The following CCDC85A variants were observed in gnomAD, a reference collection of about 807,000 sequenced individuals.
CCDC85A encodes coiled-coil domain-containing protein 85A.
CCDC85A carries 38 observed loss-of-function variants against 50.2 expected under a neutral mutation model. That is an observed-to-expected ratio of 0.76 (90% confidence interval 0.58 to 0.99). The LOEUF (loss-of-function observed/expected upper bound fraction) is 0.99, where lower values mean the gene tolerates loss of function less well. CCDC85A is among the 50% of genes least tolerant of loss of function. CCDC85A has a pLI of 0.00. For synonymous variants in CCDC85A, 366 were observed against 301.4 expected, an observed-to-expected ratio of 1.21 and a Z score of -2.22; for missense variants, 820 against 742.0, an observed-to-expected ratio of 1.11 and a Z score of -1.22.
intron 5 of CCDC85A, chr2:56,383,684 A>G (rs1382923500): frequency 1.4e-5 from 14 of 984,978 alleles, no homozygotes; most frequent in Non-Finnish European, 9.6e-6. Context: ...CTCTGTAGAA[A>G]AAGCCAGAGA....
At chr2:56,230,192 G>GGA (rs1304492727) in intron 2 of CCDC85A, among the ~76,000 whole-genome samples, 5 of 152,046 alleles carry the variant, frequency 3.3e-5, no homozygotes, top group Admixed American at 2.6e-4. Context: ...TCTTGAGGCT[G>GGA]GATGAAACTT....
chr2:56,196,799 C>T (rs72917043), intron 2 of CCDC85A, among the ~76,000 whole-genome samples: 4,778 of 150,564 alleles, frequency 0.032, 245 homozygotes, highest in African/African-American at 0.11. Context: ...ATTCTAGAAG[C>T]ACATATTGCT....
chr2:56,298,333 C>T (rs1672048308), intron 2 of CCDC85A, among the ~76,000 whole-genome samples: 1 of 152,068 alleles, frequency 6.6e-6, no homozygotes, highest in Non-Finnish European at 1.5e-5. Flanking sequence ...CCTGCATTGC[C>T]TAGGAAGCAA....
chr2:56,227,024 A>C (rs1668572080), intron 2 of CCDC85A, among the ~76,000 whole-genome samples: 1 of 152,204 alleles, frequency 6.6e-6, no homozygotes, highest in Non-Finnish European at 1.5e-5. Context: ...CAATAACTAA[A>C]AATTTTAGCT....
At position 56,364,907 on chromosome 2, in the gene CCDC85A, C is replaced by G. The variant is rs112166382; in HGVS notation, c.1318-7437C>G. On this transcript the variant is annotated intron_variant, in intron 3 of 5. Transcript: ENST00000407595. ...TAATTGGAACTTCATCCCAGGTAGT[C>G]TGGCCTCACCCAAATCATTCTCCAC... 9.4e-3 allele frequency among the ~76,000 whole-genome samples: 1,426 copies of G among 152,276 alleles called. 15 individuals carry two copies. The highest frequency in any genetic ancestry group is 0.027 in the Middle Eastern group (8 of 294).
chr2:56,184,806 C>T lies in CCDC85A; in HGVS notation c.182C>T (p.Ala61Val). The part of the protein sequence containing the change: ...ELIRSLRRAE[A>V]EKVSAMLDHS... ...ATCCGCAGCCTGCGGCGCGCCGAGG[C>T]GGAGAAGGTGAGCGCGATGCTGGAC... Residue 61 changes from alanine to valine, a missense_variant, in exon 1 of 6, where the codon GCG (alanine) becomes GTG (valine). Physicochemically the swap from Ala to Val is moderately conservative, Grantham distance 64 (BLOSUM62 0). Transcript: ENST00000407595. The T allele has an allele frequency of 1.3e-6, 2 of 1,546,128 alleles. No individual in the cohort carries two copies. The highest frequency in any genetic ancestry group is 8.7e-7 in the Non-Finnish European group (1 of 1,146,036).
chr2:56,384,379 G>A lies in CCDC85A; in HGVS notation c.*24G>A, dbSNP rs375561110. 6.3e-7 allele frequency: 1 copy of A among 1,574,900 alleles called. No individual in the cohort carries two copies. Among genetic ancestry groups the A allele is most frequent in the Non-Finnish European group, 8.7e-7 (1 of 1,148,092 alleles). ...GAGATGCACTCTTTTTCAAACAGGA[G>A]ATCACCACTGCCAGAAAGTGATAGA... is the stretch of plus-strand genomic sequence containing the variant. On this transcript the variant is annotated 3_prime_UTR_variant, in exon 6 of 6. Coordinates refer to ENST00000407595, the MANE Select transcript of CCDC85A (RefSeq NM_001080433.2).
At chr2:56,300,027 CG>C (rs1360566518) in intron 2 of CCDC85A, among the ~76,000 whole-genome samples, 2 of 152,108 alleles carry the variant, frequency 1.3e-5, no homozygotes, top group East Asian at 3.9e-4. Context: ...GGTGACAAAA[CG>C]GTGTATGCTA....
chr2:56,260,430 T>C (rs1200434557), intron 2 of CCDC85A, among the ~76,000 whole-genome samples: 1 of 152,226 alleles, frequency 6.6e-6, no homozygotes, highest in Non-Finnish European at 1.5e-5. Context: ...ATATAAGTCA[T>C]GCTTGAAATA....
chr2:56,233,900 A>G (rs1294496705), intron 2 of CCDC85A, among the ~76,000 whole-genome samples: 1 of 152,146 alleles, frequency 6.6e-6, no homozygotes, highest in African/African-American at 2.4e-5. Flanking sequence ...TGGATAAAAG[A>G]TGTTCCCTAA....
chr2:56,188,258 C>T (rs1676137278), intron 1 of CCDC85A, among the ~76,000 whole-genome samples: 1 of 152,176 alleles, frequency 6.6e-6, no homozygotes, highest in Admixed American at 6.5e-5. Flanking sequence ...AGCTGTTCAT[C>T]AGAAGGCAAA....
chr2:56,367,673 G>T (rs939425593), intron 3 of CCDC85A, among the ~76,000 whole-genome samples: 1 of 152,066 alleles, frequency 6.6e-6, no homozygotes, highest in Non-Finnish European at 1.5e-5. Flanking sequence ...AGGCATTTTT[G>T]CCAAATGTTT....
At chr2:56,267,550 G>T (rs1261708455) in intron 2 of CCDC85A, among the ~76,000 whole-genome samples, 2 of 152,140 alleles carry the variant, frequency 1.3e-5, no homozygotes, top group Non-Finnish European at 2.9e-5. Context: ...GGACCAGATG[G>T]GATGACTGTG....
intron 2 of CCDC85A, among the ~76,000 whole-genome samples, chr2:56,266,280 G>A (rs571357953): frequency 6.6e-6 from 1 of 152,130 alleles, no homozygotes; most frequent in Non-Finnish European, 1.5e-5. Flanking sequence ...TTTCAAACTA[G>A]CTGAAAGAAT....
rs190880796 is a variant in CCDC85A, at chr2:56,263,281, T to C, written c.1240+69841T>C. On this transcript the variant is annotated intron_variant, in intron 2 of 5. Transcript: ENST00000407595. The stretch of plus-strand genomic sequence containing the variant: ...CACTGCCCAAACACATTCAAAGAGA[T>C]CTTCTAGATAGTGTTCATAAGTAAT... 2.0e-5 allele frequency among the ~76,000 whole-genome samples: 3 copies of C among 152,326 alleles called. No homozygotes were observed. The East Asian group carries it at 5.8e-4, about 29-fold the overall frequency.
chr2:56,369,764 C>T (rs1675983344), intron 3 of CCDC85A, among the ~76,000 whole-genome samples: 2 of 151,986 alleles, frequency 1.3e-5, no homozygotes, highest in Non-Finnish European at 1.5e-5. Context: ...TCCCATTTCC[C>T]CCTTTTTCTT....
intron 2 of CCDC85A, among the ~76,000 whole-genome samples, chr2:56,301,146 G>C (rs915904101): frequency 6.6e-6 from 1 of 152,052 alleles, no homozygotes; most frequent in Non-Finnish European, 1.5e-5. Flanking sequence ...GAAATAATAA[G>C]AATTTTTCCC....
At chr2:56,329,340 G>A (rs1440660876) in intron 2 of CCDC85A, among the ~76,000 whole-genome samples, 1 of 152,152 alleles carries the variant, frequency 6.6e-6, no homozygotes, top group East Asian at 1.9e-4. Flanking sequence ...GCTTATTTAT[G>A]TACCTGTTTT....
chr2:56,209,635 A>G (rs1184961966), intron 2 of CCDC85A, among the ~76,000 whole-genome samples: 3 of 152,058 alleles, frequency 2.0e-5, no homozygotes, highest in African/African-American at 7.2e-5. Flanking sequence ...TCTGTTTTAC[A>G]GAGTTAAAAA....
Sources: gnomAD v4.1 joint callset for allele counts (sites outside exome capture counted in the v4.1 genomes callset) on GRCh38, gnomAD v4.1.1 for gene constraint, MANE v1.5 for transcripts, NCBI Gene and HGNC (gene_info 2026-07-23, HGNC 2026-07-21) for gene names.